The following YARS1 variants were observed in gnomAD, a reference collection of about 807,000 sequenced individuals.
YARS1 encodes the protein tyrosyl-tRNA synthetase 1.
In YARS1, 36 loss-of-function variants were observed where a neutral mutation model predicts 62.2. The ratio of observed to expected loss-of-function variants is 0.58; its 90% CI spans 0.44 to 0.76. YARS1 has a LOEUF of 0.76. Among genes scored for constraint, YARS1 ranks in the 30% least tolerant of loss-of-function variants. YARS1 has a pLI of 0.00. For synonymous variants in YARS1, 234 were observed against 244.9 expected, an observed-to-expected ratio of 0.96 and a Z score of 0.42; for missense variants, 524 against 639.8, an observed-to-expected ratio of 0.82 and a Z score of 1.95.
intron 5 of YARS1, among the ~76,000 whole-genome samples, chr1:32,792,151 G>C (rs1319221225): frequency 6.6e-6 from 1 of 152,184 alleles, no homozygotes; most frequent in Non-Finnish European, 1.5e-5. Context: ...CTGGAGACCT[G>C]GGCAGAGATT....
chr1:32,803,977 C>CA (rs1327232930), intron 4 of YARS1, among the ~76,000 whole-genome samples: 7 of 152,186 alleles, frequency 4.6e-5, no homozygotes, highest in Non-Finnish European at 1.0e-4. Flanking sequence ...ATCTGTTTAA[C>CA]AAAGCACATC....
intron 3 of YARS1, among the ~76,000 whole-genome samples, chr1:32,808,542 G>T (rs1490941874): frequency 6.6e-6 from 1 of 152,104 alleles, no homozygotes; most frequent in East Asian, 1.9e-4. Flanking sequence ...AAGTGACTTT[G>T]AAGCAAGATA....
intron 11 of YARS1, 138 bp from the exon 12 acceptor site, chr1:32,779,661 CTCTTA>C (rs1437246720): frequency 1.8e-6 from 2 of 1,119,634 alleles, no homozygotes; most frequent in African/African-American, 3.1e-5. Flanking sequence ...CCAGGAGGTC[CTCTTA>C]TCTTGCTACA....
intron 6 of YARS1, among the ~76,000 whole-genome samples, chr1:32,788,793 C>G (rs1328548229): frequency 6.6e-6 from 1 of 151,942 alleles, no homozygotes; most frequent in African/African-American, 2.4e-5. Context: ...TCTCAAACTC[C>G]TGGCCTCTAG....
intron 4 of YARS1, among the ~76,000 whole-genome samples, chr1:32,801,946 T>C (rs1315408900): frequency 4.4e-5 from 6 of 136,578 alleles, no homozygotes; most frequent in East Asian, 2.1e-4. Context: ...TTATTTCTTT[T>C]TTTTTTTTTT....
At position 32,791,187 on chromosome 1, in the gene YARS1, C is replaced by T; in HGVS notation, c.659G>A (p.Gly220Asp). The T allele has an allele frequency of 1.2e-6, 2 of 1,614,082 alleles. No individual in the cohort carries two copies. Among genetic ancestry groups the T allele is most frequent in the Non-Finnish European group, 1.7e-6 (2 of 1,179,990 alleles). ...LMNPMVPGLTGSKMSSSEEES... is the reference protein window; with the variant it reads ...LMNPMVPGLTDSKMSSSEEES... ...CTCTTCTGAAGAGCTCATTTTGCTG[C>T]CTGTTAATCCTGGAACCATAGGATT... Residue 220 changes from glycine to aspartate, a missense_variant, in exon 6 of 13, where the codon GGC becomes GAC. Gly to Asp is a moderately conservative substitution (Grantham distance 94). Coordinates refer to ENST00000373477, the MANE Select transcript of YARS1 (RefSeq NM_003680.4).
chr1:32,779,568 TC>T (rs1326593577), intron 11 of YARS1, 45 bp from the exon 12 acceptor site: 1 of 1,613,984 alleles, frequency 6.2e-7, no homozygotes, highest in Admixed American at 1.7e-5. Flanking sequence ...ATGGATGGGT[TC>T]CAGTGACTGT....
chr1:32,779,994 C>CA (rs2148599761), intron 11 of YARS1, 91 bp downstream of exon 11: 2 of 1,501,746 alleles, frequency 1.3e-6, no homozygotes, highest in East Asian at 4.5e-5. Flanking sequence ...TCAGAGCTTC[C>CA]ACCTGGTGTG....
chr1:32,800,621 T>C (rs1638260489), intron 4 of YARS1, among the ~76,000 whole-genome samples: 1 of 151,920 alleles, frequency 6.6e-6, no homozygotes, highest in African/African-American at 2.4e-5. Context: ...AGTCTTGCAC[T>C]GTCTGTCACC....
rs1652810423 is a variant in YARS1, at chr1:32,775,357, C to G, written c.*624G>C. 1 of 154,104 alleles carries G rather than the reference C, an allele frequency of 6.5e-6. No homozygotes were observed. The highest frequency in any genetic ancestry group is 2.4e-5 in the African/African-American group (1 of 41,450). 9.5% of individuals were successfully genotyped at this position (154,104 alleles called of 1,614,324 possible). A position where few individuals can be genotyped will look rare whatever the true frequency, so the allele number is the denominator to read the frequency against. ...AATCACTCTCTGCCATTCATTCTGC[C>G]TGATGCTAACAACACGCAGCTGATT... On this transcript the variant is annotated 3_prime_UTR_variant, in exon 13 of 13. Coordinates refer to ENST00000373477, the MANE Select transcript of YARS1 (RefSeq NM_003680.4).
At chr1:32,787,103 T>G in intron 6 of YARS1, 28 bp from the exon 7 acceptor site, 1 of 1,613,836 alleles carries the variant, frequency 6.2e-7, no homozygotes, top group Non-Finnish European at 8.5e-7. Flanking sequence ...GAAGAGGACC[T>G]CTTGTGGTTG....
At chr1:32,816,886 C>T (rs1315641439) in intron 1 of YARS1, 2 of 558,356 alleles carry the variant, frequency 3.6e-6, no homozygotes. Context: ...GACGTATCCC[C>T]AGCGACTAAG....
chr1:32,798,028 G>A (rs185498607), intron 4 of YARS1, 185 bp from the exon 5 acceptor site: 145 of 570,184 alleles, frequency 2.5e-4, no homozygotes, highest in African/African-American at 2.5e-3. Context: ...GCACCACCAC[G>A]CCCGGCTAAT....
At chr1:32,782,644 T>A in intron 8 of YARS1, 105 bp from the exon 9 acceptor site, 1 of 1,464,068 alleles carries the variant, frequency 6.8e-7, no homozygotes. Context: ...CAGTCTTATT[T>A]GATCCTTGTG....
At chr1:32,801,630 G>T (rs546914121) in intron 4 of YARS1, among the ~76,000 whole-genome samples, 1 of 152,104 alleles carries the variant, frequency 6.6e-6, no homozygotes, top group Non-Finnish European at 1.5e-5. Flanking sequence ...TCCCTTTCAC[G>T]AAAGATTTAT....
chr1:32,799,130 CAT>C (rs1421410076), intron 4 of YARS1, among the ~76,000 whole-genome samples: 1 of 152,120 alleles, frequency 6.6e-6, no homozygotes, highest in Admixed American at 6.5e-5. Flanking sequence ...TTTTGAACAA[CAT>C]ATAGATGTTT....
At chr1:32,805,894 G>A (rs893653336) in intron 4 of YARS1, among the ~76,000 whole-genome samples, 6 of 152,112 alleles carry the variant, frequency 3.9e-5, no homozygotes, top group Admixed American at 3.3e-4. Flanking sequence ...CCCGGGAGGC[G>A]GAGGTTGCAG....
rs148187355 is a variant in YARS1 at position 32,802,381 on chromosome 1, T to C, written c.510+4101A>G. ...ATATGGATATTTTTACTTCCTCCCA[T>C]GAATCACGAATATTCTTAATAACAC... is the stretch of plus-strand genomic sequence containing the variant. On this transcript the variant is annotated intron_variant, in intron 4 of 12. Transcript: ENST00000373477. Among the ~76,000 whole-genome samples the C allele has an allele frequency of 4.9e-4, 75 of 152,304 alleles. No individual in the cohort carries two copies. In the East Asian group the frequency reaches 0.01, roughly 21 times the overall value.
chr1:32,794,881 G>A (rs1283045098), intron 5 of YARS1, among the ~76,000 whole-genome samples: 1 of 151,344 alleles, frequency 6.6e-6, no homozygotes, highest in African/African-American at 2.4e-5. Context: ...TTGGGAGCCT[G>A]TAATCCCAGC....
Sources: gnomAD v4.1 joint callset for allele counts (sites outside exome capture counted in the v4.1 genomes callset) on GRCh38, gnomAD v4.1.1 for gene constraint, MANE v1.5 for transcripts, NCBI Gene and HGNC (gene_info 2026-07-23, HGNC 2026-07-21) for gene names.